The following GABRA2 variants were observed in gnomAD, a reference collection of about 807,000 sequenced individuals.
GABRA2 encodes the protein gamma-aminobutyric acid type A receptor subunit alpha2, also known as gamma-aminobutyric acid receptor subunit alpha-2.
A neutral mutation model predicts 48.7 loss-of-function variants in GABRA2; 16 were observed. The ratio of observed to expected loss-of-function variants is 0.33; its 90% CI spans 0.22 to 0.50. The LOEUF (loss-of-function observed/expected upper bound fraction) is 0.50, where lower values mean the gene tolerates loss of function less well. GABRA2 is among the 20% of genes least tolerant of loss of function. GABRA2 has a pLI of 0.98. For missense variants in GABRA2, 275 were observed against 535.6 expected (o/e 0.51, Z 4.80); for synonymous variants, 185 against 184.5 (o/e 1.00, Z -0.02).
At chr4:46,386,213 G>T in intron 2 of GABRA2, 24 bp from the exon 3 acceptor site, 1 of 1,395,950 alleles carries the variant, frequency 7.2e-7, no homozygotes, top group Non-Finnish European at 1.0e-6. Flanking sequence ...TTTAAAAGCT[G>T]ATATATATAC....
chr4:46,334,613 T>C (rs1560542145), intron 3 of GABRA2, among the ~76,000 whole-genome samples: 1 of 152,292 alleles, frequency 6.6e-6, no homozygotes, highest in Non-Finnish European at 1.5e-5. Context: ...TGGCATTCCC[T>C]ATATGCCAAA....
chr4:46,253,021 G>A lies in GABRA2; in HGVS notation c.1060-2417C>T, dbSNP rs187748731. Among the ~76,000 whole-genome samples the A allele has an allele frequency of 6.0e-3, 904 of 151,444 alleles. 24 individuals carry two copies. Among genetic ancestry groups the A allele is most frequent in the Admixed American group, 0.048 (725 of 15,120 alleles). On this transcript the variant is annotated intron_variant, in intron 9 of 9. Coordinates refer to ENST00000381620, the MANE Select transcript of GABRA2 (RefSeq NM_000807.4). ...GATTACTGGTGTACAAGATGTAAAGGCAATATAATTTATTATGTGTTAGGT... is the reference window on the plus strand; with the variant it reads ...GATTACTGGTGTACAAGATGTAAAGACAATATAATTTATTATGTGTTAGGT...
At chr4:46,272,087 A>G (rs1299941849) in intron 8 of GABRA2, among the ~76,000 whole-genome samples, 1 of 151,972 alleles carries the variant, frequency 6.6e-6, no homozygotes, top group East Asian at 1.9e-4. Flanking sequence ...AGATTCCTGC[A>G]CCCTAGGGTG....
rs566448938 is a variant in GABRA2 at position 46,276,257 on chromosome 4, T to G, written c.857-14129A>C. ...GAATGTAGTCAAAAGCAGTAAATTC[T>G]TCACTCAGATTACAGGGACATAGGC... On this transcript the variant is annotated intron_variant, in intron 8 of 9. Transcript: ENST00000381620. Among the ~76,000 whole-genome samples the G allele has an allele frequency of 7.2e-5, 11 of 152,252 alleles. No homozygotes were observed. The South Asian group carries it at 2.3e-3, about 32-fold the overall frequency.
At chr4:46,356,690 T>A (rs1736026534) in intron 3 of GABRA2, among the ~76,000 whole-genome samples, 1 of 152,178 alleles carries the variant, frequency 6.6e-6, no homozygotes, top group Non-Finnish European at 1.5e-5. Context: ...TTTTCTGAGA[T>A]GAGCAGAATG....
chr4:46,355,869 C>A (rs750672184), intron 3 of GABRA2, among the ~76,000 whole-genome samples: 22 of 152,140 alleles, frequency 1.4e-4, no homozygotes, highest in Non-Finnish European at 2.4e-4. Context: ...TTTCTAACTA[C>A]ACACCTCATC....
chr4:46,373,226 A>T (rs892509207), intron 3 of GABRA2, among the ~76,000 whole-genome samples: 3 of 152,216 alleles, frequency 2.0e-5, no homozygotes, highest in African/African-American at 7.2e-5. Flanking sequence ...ACTGTATTCC[A>T]TGGAACTTTT....
At position 46,374,545 on chromosome 4, in the gene GABRA2, A is replaced by G. The variant is rs16859353; in HGVS notation, c.187+11529T>C. Reference sequence around the variant, plus strand: ...CTTCAACTTTCCTTAACCTGGAGATATAACTCTACTCCTCTACTCACAGAC... The same window carrying G: ...CTTCAACTTTCCTTAACCTGGAGATGTAACTCTACTCCTCTACTCACAGAC... On this transcript the variant is annotated intron_variant, in intron 3 of 9. Transcript: ENST00000381620. Among the ~76,000 whole-genome samples, 1,290 of 152,268 alleles carry G rather than the reference A, an allele frequency of 8.5e-3. 16 individuals are homozygous for G. Among genetic ancestry groups the G allele is most frequent in the African/African-American group, 0.029 (1,199 of 41,566 alleles).
At chr4:46,258,066 T>C (rs1360070949) in intron 9 of GABRA2, among the ~76,000 whole-genome samples, 2 of 151,798 alleles carry the variant, frequency 1.3e-5, no homozygotes, top group South Asian at 4.1e-4. Flanking sequence ...ATTCCAGGAA[T>C]AGGTTAGATA....
At chr4:46,256,133 G>T in intron 9 of GABRA2, 1 of 457,418 alleles carries the variant, frequency 2.2e-6, no homozygotes, top group South Asian at 4.9e-5. Context: ...CGTGCTCATT[G>T]GTCAGATAAT....
Position 46,328,295 on chromosome 4 carries a change from T to C in GABRA2, c.255+4320A>G, listed in dbSNP as rs2583957. On this transcript the variant is annotated intron_variant, in intron 4 of 9. Transcript: ENST00000381620. Reference sequence around the variant, plus strand: ...GAGTGTGTGTGTGTGTGTGTGTGTGTGCGCACACGCATGTGTGTGTGTGTT... The same window carrying C: ...GAGTGTGTGTGTGTGTGTGTGTGTGCGCGCACACGCATGTGTGTGTGTGTT... 7.2e-3 allele frequency among the ~76,000 whole-genome samples: 1,013 copies of C among 140,174 alleles called. 5 individuals are homozygous for C. Among genetic ancestry groups the C allele is most frequent in the South Asian group, 8.2e-3 (39 of 4,734 alleles). 92.0% of individuals were successfully genotyped at this position (140,174 alleles called of 152,430 possible).
At chr4:46,348,977 C>G (rs1296795747) in intron 3 of GABRA2, among the ~76,000 whole-genome samples, 3 of 151,956 alleles carry the variant, frequency 2.0e-5, no homozygotes, top group South Asian at 2.1e-4. Flanking sequence ...CAATCTTCAG[C>G]AACCATCACC....
At chr4:46,388,329 GTTATA>G (rs905717391) in intron 2 of GABRA2, among the ~76,000 whole-genome samples, 1 of 152,152 alleles carries the variant, frequency 6.6e-6, no homozygotes, top group African/African-American at 2.4e-5. Flanking sequence ...GAATCCTGGT[GTTATA>G]TTATAAGTGC....
At chr4:46,356,588 C>T (rs1459229454) in intron 3 of GABRA2, among the ~76,000 whole-genome samples, 3 of 152,114 alleles carry the variant, frequency 2.0e-5, no homozygotes, top group Non-Finnish European at 4.4e-5. Context: ...ATATAAAAAT[C>T]ACTTCTGAGA....
At chr4:46,280,640 G>T (rs760311982) in intron 8 of GABRA2, among the ~76,000 whole-genome samples, 1 of 152,192 alleles carries the variant, frequency 6.6e-6, no homozygotes, top group Non-Finnish European at 1.5e-5. Context: ...GTGGAAGCAA[G>T]AGTCGATTAA....
chr4:46,297,340 T>C (rs1259103163), intron 8 of GABRA2, among the ~76,000 whole-genome samples: 1 of 151,472 alleles, frequency 6.6e-6, no homozygotes, highest in Non-Finnish European at 1.5e-5. Flanking sequence ...CTGTGCTGGA[T>C]GCTTCCTGTC....
At chr4:46,356,106 A>C (rs1735920922) in intron 3 of GABRA2, among the ~76,000 whole-genome samples, 1 of 152,130 alleles carries the variant, frequency 6.6e-6, no homozygotes, top group Admixed American at 6.6e-5. Context: ...AATGCCCCTG[A>C]CCATGTTAAT....
intron 9 of GABRA2, among the ~76,000 whole-genome samples, chr4:46,260,147 G>A (rs1251964986): frequency 2.0e-5 from 3 of 151,768 alleles, no homozygotes; most frequent in Admixed American, 6.6e-5. Context: ...TTTATGAAAT[G>A]CCTGCTAAGG....
intron 5 of GABRA2, 124 bp downstream of exon 5, chr4:46,312,372 G>T: frequency 1.7e-6 from 1 of 598,716 alleles, no homozygotes; most frequent in Non-Finnish European, 2.9e-6. Context: ...CATATTATTG[G>T]TACTTCAATA....
Sources: allele counts gnomAD v4.1 joint callset (sites outside exome capture counted in the v4.1 genomes callset), GRCh38; gene constraint gnomAD v4.1.1; transcripts MANE v1.5; gene names NCBI Gene and HGNC (gene_info 2026-07-23, HGNC 2026-07-21).